The following BIRC6 variants were observed in gnomAD, a reference collection of about 807,000 sequenced individuals.
BIRC6 encodes dual E2 ubiquitin-conjugating enzyme/E3 ubiquitin-protein ligase BIRC6.
A neutral mutation model predicts 503.3 loss-of-function variants in BIRC6; 98 were observed. The ratio of observed to expected loss-of-function variants is 0.19; its 90% CI spans 0.17 to 0.23. The LOEUF (loss-of-function observed/expected upper bound fraction) is 0.23, where lower values mean the gene tolerates loss of function less well. Ranked by LOEUF, BIRC6 falls within the 10% of genes least tolerant of loss-of-function variation. The pLI, the probability that BIRC6 is intolerant of heterozygous loss-of-function variation, is 1.00. For missense variants in BIRC6, 5,360 were observed against 5,806.0 expected (o/e 0.92, Z 2.50); for synonymous variants, 2,240 against 2,078.7 (o/e 1.08, Z -2.11).
Position 32,525,034 on chromosome 2 carries a change from T to G in BIRC6, c.11755+15T>G, listed in dbSNP as rs1411872061. The stretch of plus-strand genomic sequence containing the variant: ...TGTTGCCTCTGGTATGCTTTCTATT[T>G]TTTATAATCTTGATTTTGTTTGGGT... On this transcript the variant is annotated intron_variant, in intron 58 of 73. Transcript: ENST00000421745. 6.7e-7 allele frequency: 1 copy of G among 1,481,650 alleles called. No homozygotes were observed. Among genetic ancestry groups the G allele is most frequent in the South Asian group, 1.5e-5 (1 of 66,964 alleles). 91.8% of individuals were successfully genotyped at this position (1,481,650 alleles called of 1,614,324 possible). A position where few individuals can be genotyped will look rare whatever the true frequency, so the allele number is the denominator to read the frequency against.
intron 9 of BIRC6, among the ~76,000 whole-genome samples, chr2:32,412,949 CT>C (rs1558655391): frequency 6.6e-6 from 1 of 150,720 alleles, no homozygotes; most frequent in South Asian, 2.1e-4. Context: ...AATCACATTA[CT>C]TTTTTGAAAA....
intron 42 of BIRC6, 95 bp from the exon 43 acceptor site, chr2:32,489,946 A>AAAT (rs769704919): frequency 5.6e-5 from 48 of 852,472 alleles, no homozygotes; most frequent in South Asian, 2.5e-4. Context: ...GGATTTAAAG[A>AAAT]AATAGTGTCT....
At chr2:32,565,283 GGAAGTTA>G (rs1365554873) in intron 65 of BIRC6, 1 of 152,142 alleles carries the variant, frequency 6.6e-6, no homozygotes, top group African/African-American at 2.4e-5. Flanking sequence ...GGTAGAAAGA[GGAAGTTA>G]GACACTATGG....
chr2:32,445,138 G>A (rs866577879), intron 20 of BIRC6, among the ~76,000 whole-genome samples: 2 of 152,192 alleles, frequency 1.3e-5, no homozygotes, highest in Non-Finnish European at 2.9e-5. Flanking sequence ...CAGAGAAACA[G>A]TATGTTGGTA....
chr2:32,501,359 T>G (rs1353369971), intron 46 of BIRC6, among the ~76,000 whole-genome samples: 1 of 152,210 alleles, frequency 6.6e-6, no homozygotes. Context: ...ACAGAACAAC[T>G]TATTTTTATT....
At chr2:32,372,858 AC>A (rs928623469) in intron 1 of BIRC6, among the ~76,000 whole-genome samples, 6 of 152,150 alleles carry the variant, frequency 3.9e-5, no homozygotes, top group African/African-American at 7.2e-5. Context: ...AGAAAAAAAA[AC>A]ATTTGGGTGT....
At chr2:32,513,777 C>T (rs189649381) in intron 54 of BIRC6, among the ~76,000 whole-genome samples, 253 of 152,244 alleles carry the variant, frequency 1.7e-3, no homozygotes, top group Middle Eastern at 3.4e-3. Context: ...GGCGTGGTGG[C>T]GCGTGTCTGT....
chr2:32,531,834 C>T (rs182297265), intron 61 of BIRC6, among the ~76,000 whole-genome samples: 1 of 152,224 alleles, frequency 6.6e-6, no homozygotes, highest in East Asian at 1.9e-4. Flanking sequence ...CTTTTCTATG[C>T]TGCTTTAAGT....
chr2:32,375,263 C>T (rs192682506), intron 1 of BIRC6, among the ~76,000 whole-genome samples: 10 of 152,192 alleles, frequency 6.6e-5, no homozygotes, highest in Admixed American at 2.6e-4. Flanking sequence ...TTTTTTAGTG[C>T]AGTGACTAGA....
At chr2:32,504,414 T>A (rs2053568854) in intron 49 of BIRC6, among the ~76,000 whole-genome samples, 1 of 151,956 alleles carries the variant, frequency 6.6e-6, no homozygotes, top group South Asian at 2.1e-4. Flanking sequence ...ATGCCTGTAA[T>A]CCCAGCACTT....
chr2:32,405,789 G>A (rs894777293), intron 8 of BIRC6, among the ~76,000 whole-genome samples: 1 of 152,188 alleles, frequency 6.6e-6, no homozygotes, highest in African/African-American at 2.4e-5. Context: ...AGGCTGTCCT[G>A]AATTCAGTAA....
rs910921413 is a variant in BIRC6 at position 32,436,135 on chromosome 2, A to G, written c.3582A>G (p.Leu1194=). 2.1e-5 allele frequency: 32 copies of G among 1,494,890 alleles called. No individual in the cohort carries two copies. Among genetic ancestry groups the G allele is most frequent in the Non-Finnish European group, 2.8e-5 (31 of 1,108,494 alleles). 92.6% of individuals were successfully genotyped at this position (1,494,890 alleles called of 1,614,324 possible). The change falls in exon 15 of 74, where the codon CTA becomes CTG. Residue 1194 remains leucine, a synonymous_variant. Coordinates refer to ENST00000421745, the MANE Select transcript of BIRC6 (RefSeq NM_016252.4). ...TATGGCTTGCTAGTGGCCTTGATCT[A>G]TCAGGGCATGCTGGAATGTTGACGT... ...GPVWLASGLD[L]SGHAGMLTLT...
intron 49 of BIRC6, 59 bp from the exon 50 acceptor site, chr2:32,504,946 A>T: frequency 7.1e-7 from 1 of 1,405,412 alleles, no homozygotes; most frequent in Non-Finnish European, 9.8e-7. Context: ...TATAGATTTT[A>T]AAGCTTTATT....
chr2:32,414,845 A>G lies in BIRC6; in HGVS notation c.1554A>G (p.Lys518=), dbSNP rs144006143. ...TALSILQQPE[K]LQWEIVANVL... is the part of the protein sequence containing the mutation. ...TCAGCATTCTCCAACAGCCAGAAAAACTTCAGTGGGAGATTGTTGCAAATG... is the reference window on the plus strand; with the variant it reads ...TCAGCATTCTCCAACAGCCAGAAAAGCTTCAGTGGGAGATTGTTGCAAATG... The change falls in exon 10 of 74, where the codon AAA becomes AAG. Residue 518 remains lysine (K), a synonymous_variant. Coordinates refer to ENST00000421745, the MANE Select transcript of BIRC6 (RefSeq NM_016252.4). The G allele has an allele frequency of 2.4e-3, 3,875 of 1,613,924 alleles. 5 individuals carry two copies. The highest frequency in any genetic ancestry group is 2.9e-3 in the Non-Finnish European group (3,466 of 1,179,874).
chr2:32,366,132 A>G lies in BIRC6; in HGVS notation c.325+8646A>G, dbSNP rs532292768. On this transcript the variant is annotated intron_variant, in intron 1 of 73. Coordinates refer to ENST00000421745, the MANE Select transcript of BIRC6 (RefSeq NM_016252.4). ...GTGATCCACCTGCTTCGGTCTCCCA[A>G]AGTGCTGGGATTACAGGCATGAGCC... is the stretch of plus-strand genomic sequence containing the variant. Among the ~76,000 whole-genome samples the G allele has an allele frequency of 2.2e-3, 335 of 152,320 alleles. 1 individual carries two copies. The highest frequency in any genetic ancestry group is 7.5e-3 in the African/African-American group (311 of 41,564).
At chr2:32,449,090 C>A in intron 22 of BIRC6, 162 bp downstream of exon 22, 1 of 598,514 alleles carries the variant, frequency 1.7e-6, no homozygotes, top group Non-Finnish European at 2.7e-6. Context: ...AAGTTCTTAA[C>A]TTCCTCTTTC....
chr2:32,448,467 A>T (rs1189850363), intron 21 of BIRC6, among the ~76,000 whole-genome samples: 3 of 151,866 alleles, frequency 2.0e-5, no homozygotes, highest in Non-Finnish European at 4.4e-5. Flanking sequence ...CGGCCAACAC[A>T]GCAAAACCCC....
In BIRC6 at chr2:32,482,465, G is replaced by C. The variant is rs1220566057; in HGVS notation, c.7579G>C (p.Asp2527His). 1 of 1,613,926 alleles carries C rather than the reference G, an allele frequency of 6.2e-7. No individual in the cohort carries two copies. Among genetic ancestry groups the C allele is most frequent in the Admixed American group, 1.7e-5 (1 of 60,020 alleles). Residue 2527 changes from aspartate (D) to histidine (H), a missense_variant, in exon 39 of 74, where the codon GAT becomes CAT. By Grantham distance (81) the Asp-to-His change is moderately conservative. This residue lies in a region of BIRC6 where 2,299 missense variants were observed against 2,267.2 expected (regional missense o/e 1.01). Transcript: ENST00000421745. ...TACATGGTATGATTATTGGGGTGCT[G>C]ATTATGGGACCTACAATTACAACCC... ...SSTWYDYWGADYGTYNYNPYI... is the reference protein window; with the variant it reads ...SSTWYDYWGAHYGTYNYNPYI...
chr2:32,370,772 G>C (rs911364775), intron 1 of BIRC6, among the ~76,000 whole-genome samples: 5 of 152,118 alleles, frequency 3.3e-5, no homozygotes, highest in Admixed American at 3.3e-4. Context: ...ATACAGGCTT[G>C]TATCTTCTTT....
Sources: allele counts gnomAD v4.1 joint callset (sites outside exome capture counted in the v4.1 genomes callset), GRCh38; gene constraint gnomAD v4.1.1; regional missense constraint gnomAD v4.1.1; transcripts MANE v1.5; gene names NCBI Gene and HGNC (gene_info 2026-07-23, HGNC 2026-07-21).